ASH1L: variants seen among roughly 807,000 people sequenced by gnomAD.
The protein encoded by ASH1L is histone-lysine N-methyltransferase ASH1L.
ASH1L carries 23 observed loss-of-function variants against 269.0 expected under a neutral mutation model. The ratio of observed to expected loss-of-function variants is 0.09; its 90% confidence interval spans 0.06 to 0.12. The LOEUF (loss-of-function observed/expected upper bound fraction) is 0.12, where lower values mean the gene tolerates loss of function less well. Among genes scored for constraint, ASH1L ranks in the 10% least tolerant of loss-of-function variants. The pLI is 1.00. For missense variants in ASH1L, 2,912 were observed against 3,567.8 expected (o/e 0.82, Z 4.68); for synonymous variants, 1,187 against 1,253.5 (o/e 0.95, Z 1.12).
chr1:155,421,019 T>C (rs1043013715), intron 5 of ASH1L, among the ~76,000 whole-genome samples: 3 of 150,090 alleles, frequency 2.0e-5, no homozygotes, highest in Non-Finnish European at 4.5e-5. Flanking sequence ...GGAGGATCAC[T>C]TGAGCCCAGA....
chr1:155,451,956 G>A (rs1353254960), intron 4 of ASH1L, among the ~76,000 whole-genome samples: 7 of 152,088 alleles, frequency 4.6e-5, no homozygotes, highest in Admixed American at 4.6e-4. Context: ...CCTGACCTCA[G>A]GTGATCCGCC....
At chr1:155,548,709 C>A (rs114287041) in intron 1 of ASH1L, among the ~76,000 whole-genome samples, 3,114 of 152,136 alleles carry the variant, frequency 0.02, 105 homozygotes, top group African/African-American at 0.072. Context: ...AATATTTATC[C>A]AGCAACTCAG....
intron 2 of ASH1L, among the ~76,000 whole-genome samples, chr1:155,503,092 A>C (rs1188833185): frequency 6.6e-6 from 1 of 152,196 alleles, no homozygotes; most frequent in African/African-American, 2.4e-5. Flanking sequence ...ATCAAAGACT[A>C]GGCAAGGAAC....
intron 1 of ASH1L, among the ~76,000 whole-genome samples, chr1:155,535,621 T>G (rs1669999754): frequency 6.7e-6 from 1 of 150,072 alleles, no homozygotes; most frequent in Non-Finnish European, 1.5e-5. Flanking sequence ...ATTTCAGCCT[T>G]GGCAACAGGG....
intron 4 of ASH1L, among the ~76,000 whole-genome samples, chr1:155,456,340 T>C (rs1303155828): frequency 2.0e-5 from 3 of 152,316 alleles, no homozygotes; most frequent in Non-Finnish European, 4.4e-5. Context: ...CTCCAAACTT[T>C]CACATTCTCA....
At chr1:155,513,945 AC>A (rs1668337084) in intron 2 of ASH1L, among the ~76,000 whole-genome samples, 1 of 152,214 alleles carries the variant, frequency 6.6e-6, no homozygotes, top group Admixed American at 6.5e-5. Flanking sequence ...GTATATACAT[AC>A]ACTGGAATAT....
Position 155,341,990 on chromosome 1 carries a change from T to C in ASH1L, c.8406A>G (p.Lys2802=), listed in dbSNP as rs1208415761. Reference sequence around the variant, plus strand: ...TGGGGAAGTGATCAAAAGCATAGGGTTTGGTGCAGACAGGATAGCGGTTCC... The same window carrying C: ...TGGGGAAGTGATCAAAAGCATAGGGCTTGGTGCAGACAGGATAGCGGTTCC... The part of the protein sequence containing the change: ...IHRNRYPVCT[K]PYAFDHFPKK... Residue 2802 remains lysine, a synonymous_variant, in exon 25 of 28, where the codon AAA becomes AAG. Transcript: ENST00000392403. 4.3e-6 allele frequency: 7 copies of C among 1,613,594 alleles called. No homozygotes were observed. The highest frequency in any genetic ancestry group is 5.9e-6 in the Non-Finnish European group (7 of 1,179,914).
intron 16 of ASH1L, among the ~76,000 whole-genome samples, chr1:155,353,230 T>C (rs977100385): frequency 4.6e-5 from 7 of 152,240 alleles, no homozygotes; most frequent in Non-Finnish European, 8.8e-5. Flanking sequence ...ACAATGGTAG[T>C]ACTTCCCTCA....
Position 155,481,117 on chromosome 1 carries a change from A to G in ASH1L, c.1753T>C (p.Leu585=), listed in dbSNP as rs1458831645. Residue 585 remains leucine, a synonymous_variant, in exon 3 of 28, where the codon TTA becomes CTA. Coordinates refer to ENST00000392403, the MANE Select transcript of ASH1L (RefSeq NM_018489.3). ...TCGATTAGTTCTGTAGTAGAACTTA[A>G]AAGTAATGGATTAGGAGCCAACTGT... is the stretch of plus-strand genomic sequence containing the variant. The part of the protein sequence containing the change: ...SSQLAPNPLL[L]SSTTELIEEI... The G allele has an allele frequency of 2.5e-6, 4 of 1,614,006 alleles. No homozygotes were observed. The highest frequency in any genetic ancestry group is 3.4e-6 in the Non-Finnish European group (4 of 1,180,004).
intron 1 of ASH1L, among the ~76,000 whole-genome samples, chr1:155,548,395 T>C (rs554514013): frequency 6.6e-6 from 1 of 152,202 alleles, no homozygotes; most frequent in African/African-American, 2.4e-5. Flanking sequence ...GTTTGGCACA[T>C]GCCTGTACTC....
chr1:155,349,819 G>A (rs1217180001), intron 17 of ASH1L, among the ~76,000 whole-genome samples: 2 of 144,590 alleles, frequency 1.4e-5, no homozygotes, highest in Admixed American at 7.2e-5. Context: ...CTGAGTTCAA[G>A]CGATTCTCCT....
At chr1:155,559,561 G>A (rs569881055) in intron 1 of ASH1L, among the ~76,000 whole-genome samples, 7 of 149,298 alleles carry the variant, frequency 4.7e-5, no homozygotes, top group African/African-American at 1.7e-4. Flanking sequence ...AGCACAAGAT[G>A]ATACAAAACA....
At chr1:155,402,416 T>C (rs568692741) in intron 6 of ASH1L, among the ~76,000 whole-genome samples, 24 of 152,336 alleles carry the variant, frequency 1.6e-4, no homozygotes, top group South Asian at 6.2e-4. Context: ...GGTAAAATTA[T>C]ATTTCAGATT....
In ASH1L at chr1:155,343,015, CTTTT is replaced by C. The variant is rs571898394; in HGVS notation, c.8293+295_8293+298del. 9.4e-5 allele frequency: 18 copies of C among 191,602 alleles called. No homozygotes were observed. The highest frequency in any genetic ancestry group is 1.5e-4 in the Non-Finnish European group (14 of 95,888). 11.9% of individuals were successfully genotyped at this position (191,602 alleles called of 1,614,324 possible). ...ACAGGAGACATGAGGTCATTGAAGTCTTTTTTTTTTTTTTGAGGCAGGGTTTCAT... is the reference window on the plus strand; with the variant it reads ...ACAGGAGACATGAGGTCATTGAAGTCTTTTTTTTTTGAGGCAGGGTTTCAT... On this transcript the variant is annotated intron_variant, in intron 24 of 27. Coordinates refer to ENST00000392403, the MANE Select transcript of ASH1L (RefSeq NM_018489.3). The surrounding 1 kb of genome is among the most constrained non-coding windows in gnomAD (Gnocchi z 6.1).
chr1:155,394,536 T>C (rs56675301), intron 7 of ASH1L, among the ~76,000 whole-genome samples: 39,485 of 151,942 alleles, frequency 0.26, 5,964 homozygotes, highest in East Asian at 0.73. Context: ...GAGATAGCAA[T>C]GAGATTTGGA....
Position 155,480,043 on chromosome 1 carries a change from G to C in ASH1L, c.2827C>G (p.Gln943Glu). Residue 943 changes from glutamine to glutamate, a missense_variant, in exon 3 of 28, where the codon CAG becomes GAG. Around this residue, in one of 13 missense-constraint regions of ASH1L, gnomAD observed 715 missense variants for 721.0 expected, o/e 0.99. Coordinates refer to ENST00000392403, the MANE Select transcript of ASH1L (RefSeq NM_018489.3). ...CTGTCATCTAGGTCATCTGGATCCT[G>C]AAGTTGATCCTCGCTCTCAAAGAAA... The part of the protein sequence containing the change: ...SDFFESEDQL[Q>E]DPDDLDDSHR... 1 of 1,614,052 alleles carries C rather than the reference G, an allele frequency of 6.2e-7. No homozygotes were observed.
intron 3 of ASH1L, among the ~76,000 whole-genome samples, chr1:155,469,733 C>T (rs921871503): frequency 1.3e-5 from 2 of 152,204 alleles, no homozygotes; most frequent in Non-Finnish European, 2.9e-5. Flanking sequence ...TGGCTCAGAG[C>T]CTCATAATAA....
intron 3 of ASH1L, among the ~76,000 whole-genome samples, chr1:155,474,364 C>T (rs1466265810): frequency 6.6e-6 from 1 of 152,104 alleles, no homozygotes; most frequent in Non-Finnish European, 1.5e-5. Context: ...ACGACCTTCT[C>T]AAATCCTCCG....
chr1:155,484,938 A>AAAAAAC (rs985821355), intron 2 of ASH1L, among the ~76,000 whole-genome samples: 96 of 135,060 alleles, frequency 7.1e-4, no homozygotes, highest in Non-Finnish European at 1.2e-3. Context: ...CAAAAAAAAA[A>AAAAAAC]AAAAACAAAA....
Sources: gnomAD v4.1 joint callset for allele counts (sites outside exome capture counted in the v4.1 genomes callset) on GRCh38, gnomAD v4.1.1 for gene constraint, gnomAD v4.1.1 regional missense constraint, Gnocchi (gnomAD v3.1) non-coding constraint, MANE v1.5 for transcripts, NCBI Gene and HGNC (gene_info 2026-07-23, HGNC 2026-07-21) for gene names.